SPRED1: variants seen among roughly 807,000 people sequenced by gnomAD.
The protein encoded by SPRED1 is sprouty-related, EVH1 domain-containing protein 1.
A neutral mutation model predicts 52.3 loss-of-function variants in SPRED1; 18 were observed. That is an observed-to-expected ratio of 0.34 (90% CI 0.24 to 0.51). SPRED1 has a LOEUF of 0.51. SPRED1 is among the 20% of genes least tolerant of loss of function. The pLI is 0.97. For synonymous variants in SPRED1, 155 were observed against 179.7 expected (o/e 0.86, Z 1.10); for missense variants, 485 against 551.0 (o/e 0.88, Z 1.20).
At chr15:38,257,148 CCT>C (rs1392406524) in intron 1 of SPRED1, among the ~76,000 whole-genome samples, 5 of 152,134 alleles carry the variant, frequency 3.3e-5, no homozygotes, top group Admixed American at 2.0e-4. Context: ...TCTCTCTTCC[CCT>C]CTTTCAACAC....
chr15:38,349,569 A>G (rs751254307), intron 6 of SPRED1, 46 bp downstream of exon 6: 1 of 1,038,454 alleles, frequency 9.6e-7, no homozygotes, highest in Non-Finnish European at 1.4e-6. Context: ...TAACTAATTA[A>G]TAGATAGGTA....
At chr15:38,281,432 A>T (rs1291075881) in intron 1 of SPRED1, among the ~76,000 whole-genome samples, 1 of 151,966 alleles carries the variant, frequency 6.6e-6, no homozygotes, top group African/African-American at 2.4e-5. Context: ...TCTGTCTGTC[A>T]CCCAGCATGG....
chr15:38,262,459 TGA>T (rs1310478230), intron 1 of SPRED1, among the ~76,000 whole-genome samples: 1 of 152,074 alleles, frequency 6.6e-6, no homozygotes, highest in Non-Finnish European at 1.5e-5. Context: ...CAGCCATGAA[TGA>T]GAGCATGGAA....
At chr15:38,284,343 T>C (rs762730030) in intron 1 of SPRED1, among the ~76,000 whole-genome samples, 1 of 152,180 alleles carries the variant, frequency 6.6e-6, no homozygotes, top group Non-Finnish European at 1.5e-5. Context: ...TCTCAGTTTC[T>C]TTAGAATAAA....
At chr15:38,286,124 G>T (rs1894802002) in intron 1 of SPRED1, among the ~76,000 whole-genome samples, 1 of 150,266 alleles carries the variant, frequency 6.7e-6, no homozygotes, top group Non-Finnish European at 1.5e-5. Flanking sequence ...AGGTGCCTAT[G>T]GTCACGCCTA....
chr15:38,317,542 T>G (rs1895512226), intron 2 of SPRED1, among the ~76,000 whole-genome samples: 1 of 152,040 alleles, frequency 6.6e-6, no homozygotes, highest in Non-Finnish European at 1.5e-5. Flanking sequence ...AGCATTGAAC[T>G]CTGCTTCCTG....
At chr15:38,270,667 T>C (rs946370445) in intron 1 of SPRED1, among the ~76,000 whole-genome samples, 1 of 152,196 alleles carries the variant, frequency 6.6e-6, no homozygotes, top group Admixed American at 6.5e-5. Flanking sequence ...GGGGGTAGTC[T>C]GCCCCTCTTT....
chr15:38,256,912 A>G (rs1211929227), intron 1 of SPRED1, among the ~76,000 whole-genome samples: 1 of 152,140 alleles, frequency 6.6e-6, no homozygotes, highest in African/African-American at 2.4e-5. Flanking sequence ...ATGTTTGTTT[A>G]TATAGATGTG....
chr15:38,291,047 A>C (rs920550311), intron 1 of SPRED1, among the ~76,000 whole-genome samples: 3 of 152,166 alleles, frequency 2.0e-5, no homozygotes, highest in African/African-American at 7.2e-5. Context: ...AGCCTGTAAA[A>C]TCAAAAGCAA....
At chr15:38,349,949 A>G (rs992745757) in intron 6 of SPRED1, among the ~76,000 whole-genome samples, 1 of 152,142 alleles carries the variant, frequency 6.6e-6, no homozygotes, top group Non-Finnish European at 1.5e-5. Flanking sequence ...AGAAGCCTGC[A>G]TTTATGGATG....
At chr15:38,263,360 G>T (rs1174937554) in intron 1 of SPRED1, among the ~76,000 whole-genome samples, 4 of 152,146 alleles carry the variant, frequency 2.6e-5, no homozygotes, top group Admixed American at 1.3e-4. Flanking sequence ...TCTCAAAAAG[G>T]TTAAGAGGGT....
At chr15:38,341,430 T>C (rs4924238) in intron 5 of SPRED1, among the ~76,000 whole-genome samples, 124,295 of 151,038 alleles carry the variant, frequency 0.82, 51,938 homozygotes, top group Non-Finnish European at 0.9. Flanking sequence ...TTTCTCTCTT[T>C]TTCTAATGTA....
In SPRED1 at chr15:38,351,350, A is replaced by G; in HGVS notation, c.1021A>G (p.Arg341Gly). The G allele has an allele frequency of 6.2e-7, 1 of 1,614,184 alleles. No homozygotes were observed. Among genetic ancestry groups the G allele is most frequent in the Non-Finnish European group, 8.5e-7 (1 of 1,180,024 alleles). Residue 341 changes from arginine to glycine, a missense_variant, in exon 7 of 7, where the codon AGG becomes GGG. Coordinates refer to ENST00000299084, the MANE Select transcript of SPRED1 (RefSeq NM_152594.3). ...ERSRCVYCQERFNHEENVRGK... is the reference protein window; with the variant it reads ...ERSRCVYCQEGFNHEENVRGK... ...TTCTCGCTGCGTATACTGCCAGGAA[A>G]GGTTTAATCATGAAGAAAATGTTAG...
chr15:38,349,161 G>A (rs916495339), intron 5 of SPRED1, among the ~76,000 whole-genome samples: 3 of 151,980 alleles, frequency 2.0e-5, no homozygotes, highest in South Asian at 2.1e-4. Context: ...TTGTTTATCC[G>A]TTCATTAGTT....
intron 5 of SPRED1, among the ~76,000 whole-genome samples, chr15:38,341,985 A>G (rs1896039315): frequency 6.8e-6 from 1 of 146,128 alleles, no homozygotes; most frequent in African/African-American, 2.5e-5. Context: ...TTTCCTTCCA[A>G]CATTTCAGAC....
chr15:38,348,416 CTGTG>C lies in SPRED1; in HGVS notation c.583-986_583-983del, dbSNP rs3075338. Among the ~76,000 whole-genome samples the C allele has an allele frequency of 4.9e-3, 723 of 148,646 alleles. 7 individuals carry two copies. Among genetic ancestry groups the C allele is most frequent in the African/African-American group, 0.016 (670 of 40,850 alleles). ...GTACAAAGGGTCCTATTTTAAAGAT[CTGTG>C]TGTGTGTGTGTGTGTGTGTCTGTGT... On this transcript the variant is annotated intron_variant, in intron 5 of 6. Transcript: ENST00000299084.
In SPRED1 at chr15:38,339,852, A is replaced by T. The variant is rs1384988121; in HGVS notation, c.539A>T (p.Asp180Val). ...SSNIRPSPFE[D>V]LNARRVYMQS... is the part of the protein sequence containing the mutation. ...AATATAAGACCTTCTCCCTTTGAAG[A>T]TCTGAATGCCAGAAGAGTCTACATG... is the stretch of plus-strand genomic sequence containing the variant. Residue 180 changes from aspartate (D) to valine (V), a missense_variant, in exon 5 of 7, where the codon GAT (aspartate) becomes GTT (valine). Physicochemically the swap from Asp to Val is radical, Grantham distance 152. Around this residue, in one of 5 missense-constraint regions of SPRED1, gnomAD observed 232 missense variants for 231.8 expected, o/e 1.00. Coordinates refer to ENST00000299084, the MANE Select transcript of SPRED1 (RefSeq NM_152594.3). 4 of 1,613,842 alleles carry T rather than the reference A, an allele frequency of 2.5e-6. No homozygotes were observed. The East Asian group carries it at 8.9e-5, about 36-fold the overall frequency.
Position 38,351,892 on chromosome 15 carries a change from C to G in SPRED1, c.*228C>G. The G allele has an allele frequency of 8.4e-6, 5 of 596,264 alleles. No homozygotes were observed. Among genetic ancestry groups the G allele is most frequent in the Non-Finnish European group, 1.5e-5 (5 of 339,778 alleles). The allele number at this position is 596,264 out of a possible 1,614,324, so 36.9% of individuals were successfully genotyped here. ...TTGTAGAGTATTTGCAGAAGGAAAC[C>G]ATTTCTGGTTATTTGGCTATAAAAA... is the stretch of plus-strand genomic sequence containing the variant. On this transcript the variant is annotated 3_prime_UTR_variant, in exon 7 of 7. Transcript: ENST00000299084.
intron 1 of SPRED1, among the ~76,000 whole-genome samples, chr15:38,260,434 A>G (rs1001302344): frequency 6.6e-6 from 1 of 152,200 alleles, no homozygotes; most frequent in African/African-American, 2.4e-5. Context: ...TAATAAGGTC[A>G]TGGGGCTAGG....
Sources: allele counts gnomAD v4.1 joint callset (sites outside exome capture counted in the v4.1 genomes callset), GRCh38; gene constraint gnomAD v4.1.1; regional missense constraint gnomAD v4.1.1; transcripts MANE v1.5; gene names NCBI Gene and HGNC (gene_info 2026-07-23, HGNC 2026-07-21).